The following COLEC10 variants were observed in gnomAD, a reference collection of about 807,000 sequenced individuals.
COLEC10 encodes collectin-10.
COLEC10 carries 22 observed loss-of-function variants against 28.4 expected under a neutral mutation model. The observed-to-expected ratio is 0.78, with a 90% confidence interval of 0.55 to 1.11. The LOEUF is 1.11. Ranked by LOEUF, COLEC10 falls within the 50% of genes least tolerant of loss-of-function variation. The probability of loss-of-function intolerance (pLI) is 0.00; values close to 1 mark genes in which losing one functional copy is unlikely to be tolerated. For synonymous variants in COLEC10, 125 were observed against 116.1 expected, an observed-to-expected ratio of 1.08 and a Z score of -0.49; for missense variants, 361 against 344.1, an observed-to-expected ratio of 1.05 and a Z score of -0.39.
chr8:119,061,765 C>T lies in COLEC10; in HGVS notation n.236-27915C>T, dbSNP rs574645361. Among the ~76,000 whole-genome samples the T allele has an allele frequency of 2.4e-3, 359 of 151,824 alleles. 2 individuals are homozygous for T. The highest frequency in any genetic ancestry group is 8.0e-3 in the African/African-American group (332 of 41,458). On this transcript the variant is annotated intron_variant and non_coding_transcript_variant, in intron 2 of 6. Coordinates refer to the COLEC10 transcript ENST00000521788. ...AGGATGAAACCAAGAAAAAAAAAGA[C>T]GCAGATATCAGAAAAGGAATTGTGT...
chr8:119,049,516 G>A (rs1435473447), intron 2 of COLEC10, among the ~76,000 whole-genome samples: 2 of 136,238 alleles, frequency 1.5e-5, no homozygotes, highest in Non-Finnish European at 1.5e-5. Flanking sequence ...CAGGGTTCAC[G>A]CCATTCTCCT....
chr8:119,048,691 A>T (rs1563727293), intron 2 of COLEC10, among the ~76,000 whole-genome samples: 1 of 151,982 alleles, frequency 6.6e-6, no homozygotes, highest in Non-Finnish European at 1.5e-5. Context: ...TTTTTATGGT[A>T]GATCTTAATC....
rs1388385629 is a variant in COLEC10 at position 119,107,939 on chromosome 8, G to C, written c.*1748G>C. Among the ~76,000 whole-genome samples, 1 of 152,154 alleles carries C rather than the reference G, an allele frequency of 6.6e-6. No individual in the cohort carries two copies. Among genetic ancestry groups the C allele is most frequent in the South Asian group, 2.1e-4 (1 of 4,830 alleles). ...TAAAATTAAAGATTTGAGGTCAAAAGTCTTCTAGCTAAAGTTGTGATCATT... is the reference window on the plus strand; with the variant it reads ...TAAAATTAAAGATTTGAGGTCAAAACTCTTCTAGCTAAAGTTGTGATCATT... On this transcript the variant is annotated 3_prime_UTR_variant, in exon 6 of 6. Coordinates refer to ENST00000332843, the MANE Select transcript of COLEC10 (RefSeq NM_006438.5).
At chr8:119,033,250 T>C (rs1280282905) in intron 2 of COLEC10, among the ~76,000 whole-genome samples, 1 of 152,026 alleles carries the variant, frequency 6.6e-6, no homozygotes, top group Admixed American at 6.6e-5. Context: ...ATTCACTTTC[T>C]TCAGATAATT....
chr8:119,068,784 A>C (rs912081261), intron 1 of COLEC10: 1 of 152,034 alleles, frequency 6.6e-6, no homozygotes, highest in African/African-American at 2.4e-5. Context: ...AAATGAAGTG[A>C]GTGATCCTGG....
At chr8:119,102,478 A>G (rs896924575) in intron 4 of COLEC10, 77 bp downstream of exon 4, 3 of 1,242,050 alleles carry the variant, frequency 2.4e-6, no homozygotes, top group Non-Finnish European at 3.4e-6. Flanking sequence ...ATATATTTCA[A>G]ATGAAAAGCA....
intron 1 of COLEC10, among the ~76,000 whole-genome samples, chr8:119,006,081 T>C (rs1396270084): frequency 6.6e-6 from 1 of 152,098 alleles, no homozygotes; most frequent in Non-Finnish European, 1.5e-5. Context: ...GCCCTAAATC[T>C]TTGTGGAGTT....
At chr8:119,043,825 G>A (rs1814539280) in intron 2 of COLEC10, among the ~76,000 whole-genome samples, 1 of 152,122 alleles carries the variant, frequency 6.6e-6, no homozygotes, top group Non-Finnish European at 1.5e-5. Context: ...TCCTTTAATG[G>A]ATGCAAATAC....
chr8:119,108,157 T>C lies in COLEC10; in HGVS notation c.*1966T>C, dbSNP rs1199620043. 6.6e-6 allele frequency among the ~76,000 whole-genome samples: 1 copy of C among 152,148 alleles called. No homozygotes were observed. Among genetic ancestry groups the C allele is most frequent in the Non-Finnish European group, 1.5e-5 (1 of 68,028 alleles). Reference sequence around the variant, plus strand: ...TTTGAGATGATAGTACATGACACTTTAAAGGCAGAAAAGCTTAATAAAAAT... The same window carrying C: ...TTTGAGATGATAGTACATGACACTTCAAAGGCAGAAAAGCTTAATAAAAAT... On this transcript the variant is annotated 3_prime_UTR_variant, in exon 6 of 6. Transcript: ENST00000332843.
At chr8:119,015,587 G>A (rs1813976908) in intron 2 of COLEC10, among the ~76,000 whole-genome samples, 1 of 152,110 alleles carries the variant, frequency 6.6e-6, no homozygotes, top group South Asian at 2.1e-4. Context: ...CAATAACTGG[G>A]TCCTGTTGGA....
chr8:119,060,559 T>C (rs908005279), intron 2 of COLEC10, among the ~76,000 whole-genome samples: 1 of 152,140 alleles, frequency 6.6e-6, no homozygotes, highest in Non-Finnish European at 1.5e-5. Context: ...GAGGTGATAG[T>C]GAGCTACAGA....
chr8:119,083,019 C>A (rs984888375), intron 1 of COLEC10, among the ~76,000 whole-genome samples: 2 of 152,158 alleles, frequency 1.3e-5, no homozygotes, highest in Non-Finnish European at 2.9e-5. Flanking sequence ...CTCTCATAAT[C>A]ATTATCTAGT....
At chr8:118,961,168 A>G in the COLEC10 span, among the ~76,000 whole-genome samples, 1 of 152,222 alleles carries the variant, frequency 6.6e-6, no homozygotes, top group Non-Finnish European at 1.5e-5. Flanking sequence ...TATTCCTACT[A>G]TAGTGATAAG....
At chr8:119,037,808 T>C (rs1814416543) in intron 2 of COLEC10, among the ~76,000 whole-genome samples, 3 of 152,234 alleles carry the variant, frequency 2.0e-5, no homozygotes, top group African/African-American at 7.2e-5. Context: ...TCTAGGCTAT[T>C]ATTCATTAAA....
chr8:118,986,793 G>A, the COLEC10 span, among the ~76,000 whole-genome samples: 1 of 152,218 alleles, frequency 6.6e-6, no homozygotes, highest in South Asian at 2.1e-4. Flanking sequence ...GTCACAAAAG[G>A]CCATACATAT....
chr8:119,042,038 C>T (rs150250962), intron 2 of COLEC10, among the ~76,000 whole-genome samples: 37 of 151,704 alleles, frequency 2.4e-4, no homozygotes, highest in African/African-American at 8.5e-4. Context: ...TTCCCTGTCT[C>T]CCACGCTGGA....
At chr8:119,068,492 TA>T (rs550745994) in intron 1 of COLEC10, 253 of 152,264 alleles carry the variant, frequency 1.7e-3, no homozygotes, top group African/African-American at 5.4e-3. Flanking sequence ...TGATTAGAAA[TA>T]AAGTATTTGC....
At chr8:119,000,795 A>G (rs1813682207) in intron 1 of COLEC10, among the ~76,000 whole-genome samples, 2 of 152,280 alleles carry the variant, frequency 1.3e-5, no homozygotes, top group Admixed American at 1.3e-4. Flanking sequence ...AAAGCAGGGG[A>G]AAAGAAGTCA....
At chr8:119,052,800 TA>T (rs1468275016) in intron 2 of COLEC10, among the ~76,000 whole-genome samples, 1 of 152,170 alleles carries the variant, frequency 6.6e-6, no homozygotes, top group Non-Finnish European at 1.5e-5. Context: ...AAAAGTATTT[TA>T]TTTTAGAACT....
Sources: gnomAD v4.1 joint callset for allele counts (sites outside exome capture counted in the v4.1 genomes callset) on GRCh38, gnomAD v4.1.1 for gene constraint, MANE v1.5 for transcripts, NCBI Gene and HGNC (gene_info 2026-07-23, HGNC 2026-07-21) for gene names.